Variants in GPHN observed in about 807,000 individuals in gnomAD.
GPHN encodes the protein gephyrin.
GPHN carries 17 observed loss-of-function variants against 95.5 expected under a neutral mutation model. The ratio of observed to expected loss-of-function variants is 0.18; its 90% CI spans 0.12 to 0.27. The LOEUF (loss-of-function observed/expected upper bound fraction) is 0.27. Ranked by LOEUF, GPHN falls within the 10% of genes least tolerant of loss-of-function variation. The probability of loss-of-function intolerance (pLI) is 1.00; values close to 1 mark genes in which losing one functional copy is unlikely to be tolerated. For missense variants in GPHN, 660 were observed against 978.1 expected (o/e 0.67, Z 4.34); for synonymous variants, 320 against 322.5 (o/e 0.99, Z 0.08).
chr14:66,693,595 G>A (rs1450567824), intron 2 of GPHN, among the ~76,000 whole-genome samples: 1 of 152,126 alleles, frequency 6.6e-6, no homozygotes, highest in Non-Finnish European at 1.5e-5. Flanking sequence ...AGAAGAGAGA[G>A]GAAATAGCCT....
the GPHN span, among the ~76,000 whole-genome samples, chr14:67,557,016 T>G: frequency 6.6e-6 from 1 of 152,254 alleles, no homozygotes. Context: ...TATCGTCTCC[T>G]CTGCCCTCCT....
chr14:67,583,863 G>A, the GPHN span: 1 of 1,613,716 alleles, frequency 6.2e-7, no homozygotes, highest in Non-Finnish European at 8.5e-7. Context: ...ATAGACATGG[G>A]GCCCCCGCTG....
At chr14:67,484,573 G>A in the GPHN span, among the ~76,000 whole-genome samples, 1 of 152,136 alleles carries the variant, frequency 6.6e-6, no homozygotes, top group African/African-American at 2.4e-5. Context: ...ATGGTATGTT[G>A]TGTAGTCATC....
intron 20 of GPHN, among the ~76,000 whole-genome samples, chr14:67,167,603 A>T (rs570509285): frequency 6.6e-6 from 1 of 152,258 alleles, no homozygotes; most frequent in Admixed American, 6.5e-5. Flanking sequence ...GGCTAAACTG[A>T]CCATTGCCTT....
At chr14:67,267,292 CTT>C in the GPHN span, among the ~76,000 whole-genome samples, 2 of 152,026 alleles carry the variant, frequency 1.3e-5, no homozygotes, top group South Asian at 2.1e-4. Context: ...GAATTTCACT[CTT>C]GTCGCCCAGG....
chr14:67,458,832 C>G, the GPHN span, among the ~76,000 whole-genome samples: 1 of 152,234 alleles, frequency 6.6e-6, no homozygotes, highest in African/African-American at 2.4e-5. Flanking sequence ...AGCCTCCCAC[C>G]TCAGCCTCCT....
intron 2 of GPHN, among the ~76,000 whole-genome samples, chr14:66,702,662 T>C (rs1387480033): frequency 6.6e-6 from 1 of 152,002 alleles, no homozygotes; most frequent in Non-Finnish European, 1.5e-5. Flanking sequence ...GTCAGCATCC[T>C]CAAAGATTGA....
intron 3 of GPHN, among the ~76,000 whole-genome samples, chr14:66,778,140 A>G (rs1048934342): frequency 1.3e-5 from 2 of 152,162 alleles, no homozygotes; most frequent in African/African-American, 4.8e-5. Flanking sequence ...AGGATACAAA[A>G]TCAATGTACA....
At chr14:67,293,036 A>G in the GPHN span, among the ~76,000 whole-genome samples, 1 of 152,154 alleles carries the variant, frequency 6.6e-6, no homozygotes, top group African/African-American at 2.4e-5. Context: ...AATTTTAAGC[A>G]TTATACATTA....
the GPHN span, chr14:67,684,974 G>A: frequency 8.5e-6 from 13 of 1,531,356 alleles, no homozygotes; most frequent in Non-Finnish European, 9.8e-6. Context: ...TATCTCCTTT[G>A]AGCAATAAAT....
chr14:67,190,201 C>A, the GPHN span, among the ~76,000 whole-genome samples: 9 of 149,568 alleles, frequency 6.0e-5, no homozygotes, highest in African/African-American at 2.0e-4. Context: ...AGGCGTGAGC[C>A]ACTGTGCCCA....
At chr14:67,234,484 A>G in the GPHN span, among the ~76,000 whole-genome samples, 4 of 152,200 alleles carry the variant, frequency 2.6e-5, no homozygotes, top group African/African-American at 9.6e-5. Flanking sequence ...GGCTGAAATC[A>G]GTGACTTTAC....
At chr14:67,081,067 AC>A (rs1412672880) in intron 11 of GPHN, among the ~76,000 whole-genome samples, 1 of 152,192 alleles carries the variant, frequency 6.6e-6, no homozygotes, top group Non-Finnish European at 1.5e-5. Flanking sequence ...GCTGCTATAA[AC>A]ATGCATGTGC....
At chr14:66,778,662 C>T (rs936148214) in intron 3 of GPHN, among the ~76,000 whole-genome samples, 1 of 145,124 alleles carries the variant, frequency 6.9e-6, no homozygotes, top group Non-Finnish European at 1.5e-5. Context: ...AAATTCAAAT[C>T]TTTCAATAAA....
At chr14:67,063,683 C>G (rs1054222086) in intron 11 of GPHN, among the ~76,000 whole-genome samples, 3 of 152,116 alleles carry the variant, frequency 2.0e-5, no homozygotes, top group African/African-American at 7.2e-5. Flanking sequence ...ATTTTATTCT[C>G]TTTGTATCAA....
At chr14:66,865,294 T>C (rs1386927702) in intron 4 of GPHN, among the ~76,000 whole-genome samples, 1 of 152,102 alleles carries the variant, frequency 6.6e-6, no homozygotes, top group Non-Finnish European at 1.5e-5. Context: ...GGATGGATAT[T>C]CCATATACCA....
chr14:67,016,485 A>G (rs1182962925), intron 9 of GPHN, among the ~76,000 whole-genome samples: 3 of 152,080 alleles, frequency 2.0e-5, no homozygotes, highest in African/African-American at 4.8e-5. Context: ...GCCTGAGCTC[A>G]TAATGAAAGA....
the GPHN span, among the ~76,000 whole-genome samples, chr14:67,518,307 T>C: frequency 6.6e-6 from 1 of 152,238 alleles, no homozygotes; most frequent in African/African-American, 2.4e-5. Context: ...GTTGGATGTC[T>C]TAAGGAAGTT....
At chr14:66,633,458 C>G (rs115532776) in intron 1 of GPHN, among the ~76,000 whole-genome samples, 1 of 152,062 alleles carries the variant, frequency 6.6e-6, no homozygotes, top group Non-Finnish European at 1.5e-5. Context: ...ACTGTATACT[C>G]TTTCTGTTTG....
Sources: allele counts gnomAD v4.1 joint callset (sites outside exome capture counted in the v4.1 genomes callset), GRCh38; gene constraint gnomAD v4.1.1; transcripts MANE v1.5; gene names NCBI Gene and HGNC (gene_info 2026-07-23, HGNC 2026-07-21).